Variants in ATAD5 observed in about 807,000 individuals in gnomAD.
The protein encoded by ATAD5 is ATPase family AAA domain-containing protein 5.
Under a neutral mutation model 176.9 loss-of-function variants are expected in ATAD5, and 58 were observed. The ratio of observed to expected loss-of-function variants is 0.33; its 90% CI spans 0.27 to 0.41. The LOEUF (loss-of-function observed/expected upper bound fraction) is 0.41, where lower values mean the gene tolerates loss of function less well. Among genes scored for constraint, ATAD5 ranks in the 10% least tolerant of loss-of-function variants. The pLI is 1.00. For missense variants in ATAD5, 1,789 were observed against 2,094.1 expected (o/e 0.85, Z 2.84); for synonymous variants, 640 against 712.6 (o/e 0.90, Z 1.62).
At chr17:30,837,346 C>T in intron 3 of ATAD5, 32 bp downstream of exon 3, 2 of 1,368,050 alleles carry the variant, frequency 1.5e-6, no homozygotes, top group Non-Finnish European at 2.0e-6. Flanking sequence ...CCTATAAGTG[C>T]CATTCTGTTT....
chr17:30,842,104 A>G (rs1906155860), intron 4 of ATAD5, among the ~76,000 whole-genome samples: 2 of 152,040 alleles, frequency 1.3e-5, no homozygotes, highest in African/African-American at 2.4e-5. Context: ...CCCCGTCTTT[A>G]CTAAAAATAC....
At chr17:30,872,067 C>T (rs1455418771) in intron 14 of ATAD5, among the ~76,000 whole-genome samples, 3 of 152,034 alleles carry the variant, frequency 2.0e-5, no homozygotes, top group African/African-American at 4.8e-5. Context: ...TACAGACCAC[C>T]GCACTCAGCT....
intron 15 of ATAD5, among the ~76,000 whole-genome samples, chr17:30,876,837 C>T (rs1298833260): frequency 1.3e-5 from 2 of 151,624 alleles, no homozygotes; most frequent in African/African-American, 4.8e-5. Flanking sequence ...CTGCCTCAGC[C>T]TCCCGAGTAG....
At chr17:30,894,452 T>C in intron 21 of ATAD5, 112 bp from the exon 22 acceptor site, 1 of 1,056,540 alleles carries the variant, frequency 9.5e-7, no homozygotes, top group Non-Finnish European at 1.3e-6. Context: ...GAAATTAATC[T>C]GGAAATGTCA....
chr17:30,862,364 A>G (rs1298380084), intron 10 of ATAD5, among the ~76,000 whole-genome samples: 1 of 152,118 alleles, frequency 6.6e-6, no homozygotes, highest in Non-Finnish European at 1.5e-5. Context: ...CAAAGTTGAA[A>G]AAAAAATATG....
In ATAD5 at chr17:30,844,058, A is replaced by T; in HGVS notation, c.2368+19A>T. 1.3e-6 allele frequency: 2 copies of T among 1,497,536 alleles called. No individual in the cohort carries two copies. Among genetic ancestry groups the T allele is most frequent in the Non-Finnish European group, 1.8e-6 (2 of 1,117,478 alleles). The allele number at this position is 1,497,536 out of a possible 1,614,324, so 92.8% of individuals were successfully genotyped here. On this transcript the variant is annotated intron_variant, in intron 5 of 22. Coordinates refer to ENST00000321990, the MANE Select transcript of ATAD5 (RefSeq NM_024857.5). ...GTACCTGGTAATCAGAGTTAATAAT[A>T]TTTATGATGTATATTAGAATGTTTT... is the stretch of plus-strand genomic sequence containing the variant.
Position 30,844,055 on chromosome 17 carries a change from A to G in ATAD5, c.2368+16A>G. ...AATGTACCTGGTAATCAGAGTTAAT[A>G]ATATTTATGATGTATATTAGAATGT... On this transcript the variant is annotated intron_variant, in intron 5 of 22. Coordinates refer to ENST00000321990, the MANE Select transcript of ATAD5 (RefSeq NM_024857.5). 1 of 1,504,736 alleles carries G rather than the reference A, an allele frequency of 6.6e-7. No homozygotes were observed. The highest frequency in any genetic ancestry group is 8.9e-7 in the Non-Finnish European group (1 of 1,122,436). The allele number at this position is 1,504,736 out of a possible 1,614,324, so 93.2% of individuals were successfully genotyped here.
intron 10 of ATAD5, among the ~76,000 whole-genome samples, chr17:30,862,373 T>A (rs531019961): frequency 1.3e-5 from 2 of 152,152 alleles, no homozygotes; most frequent in East Asian, 3.9e-4. Context: ...AAAAAAAATA[T>A]GGTCTTATCC....
Position 30,893,545 on chromosome 17 carries a change from G to C in ATAD5, c.4692G>C (p.Lys1564Asn). ...REQPLKKSQKKKQKKTLVILD... is the reference protein window; with the variant it reads ...REQPLKKSQKNKQKKTLVILD... The stretch of plus-strand genomic sequence containing the variant: ...AGCCATTGAAAAAGTCCCAGAAAAA[G>C]AAACAAAAGAAAACATTGGTAATAT... Residue 1564 changes from lysine to asparagine, a missense_variant, in exon 21 of 23, where the codon AAG (lysine) becomes AAC (asparagine). Lys to Asn is a moderately conservative substitution (Grantham distance 94). Coordinates refer to ENST00000321990, the MANE Select transcript of ATAD5 (RefSeq NM_024857.5). 1.2e-6 allele frequency: 2 copies of C among 1,611,244 alleles called. No homozygotes were observed. Among genetic ancestry groups the C allele is most frequent in the Non-Finnish European group, 1.7e-6 (2 of 1,179,284 alleles).
chr17:30,869,853 T>C (rs893201580), intron 14 of ATAD5: 6 of 547,132 alleles, frequency 1.1e-5, no homozygotes, highest in Non-Finnish European at 1.5e-5. Context: ...CTCTATCTGA[T>C]AAGGACTTTT....
intron 6 of ATAD5, among the ~76,000 whole-genome samples, chr17:30,850,652 G>A (rs1416287311): frequency 3.3e-5 from 5 of 150,784 alleles, no homozygotes; most frequent in South Asian, 2.1e-4. Flanking sequence ...TTCACTTAAC[G>A]TAATATCCTC....
In ATAD5 at chr17:30,894,997, G is replaced by A. The variant is rs1376538601; in HGVS notation, c.*84G>A. On this transcript the variant is annotated 3_prime_UTR_variant, in exon 23 of 23. Coordinates refer to ENST00000321990, the MANE Select transcript of ATAD5 (RefSeq NM_024857.5). ...ATATTATGTGGATCTTCATGGAAAA[G>A]TATATTTCTCGATGTACATTTTAAA... The A allele has an allele frequency of 3.4e-6, 3 of 869,870 alleles. No homozygotes were observed. Among genetic ancestry groups the A allele is most frequent in the Non-Finnish European group, 5.0e-6 (3 of 602,722 alleles). 53.9% of individuals were successfully genotyped at this position (869,870 alleles called of 1,614,324 possible). A position where few individuals can be genotyped will look rare whatever the true frequency, so the allele number is the denominator to read the frequency against.
chr17:30,871,579 AC>A (rs1908341731), intron 14 of ATAD5, among the ~76,000 whole-genome samples: 1 of 151,856 alleles, frequency 6.6e-6, no homozygotes, highest in Non-Finnish European at 1.5e-5. Flanking sequence ...CAAACTCCTG[AC>A]CTCAGGTGAT....
intron 5 of ATAD5, 132 bp downstream of exon 5, chr17:30,844,171 C>A: frequency 1.2e-6 from 1 of 850,510 alleles, no homozygotes; most frequent in Non-Finnish European, 1.6e-6. Flanking sequence ...CTTTGTCACT[C>A]AGGCTGGAGT....
At chr17:30,881,788 C>T (rs1359801759) in intron 18 of ATAD5, among the ~76,000 whole-genome samples, 1 of 151,926 alleles carries the variant, frequency 6.6e-6, no homozygotes, top group African/African-American at 2.4e-5. Context: ...GTAGCGCACA[C>T]CTGTAGTCCC....
intron 7 of ATAD5, 106 bp from the exon 8 acceptor site, chr17:30,856,849 G>T (rs907684605): frequency 1.9e-6 from 2 of 1,060,058 alleles, no homozygotes; most frequent in Non-Finnish European, 2.6e-6. Flanking sequence ...TGGTATGTTT[G>T]TGTTAATTAT....
chr17:30,847,012 C>T (rs768534068), intron 6 of ATAD5, among the ~76,000 whole-genome samples: 1 of 152,092 alleles, frequency 6.6e-6, no homozygotes, highest in Non-Finnish European at 1.5e-5. Flanking sequence ...AGCCACCGTG[C>T]CTGGCCCACA....
At chr17:30,844,137 A>G in intron 5 of ATAD5, 98 bp downstream of exon 5, 1 of 1,101,176 alleles carries the variant, frequency 9.1e-7, no homozygotes, top group Non-Finnish European at 1.2e-6. Context: ...TTATTTATTT[A>G]TTTATTTTTG....
chr17:30,890,349 A>G (rs1392505425), intron 19 of ATAD5, among the ~76,000 whole-genome samples: 2 of 151,976 alleles, frequency 1.3e-5, no homozygotes, highest in Non-Finnish European at 2.9e-5. Context: ...CTAGATATAA[A>G]TTGTTACAGC....
Sources: allele counts gnomAD v4.1 joint callset (sites outside exome capture counted in the v4.1 genomes callset), GRCh38; gene constraint gnomAD v4.1.1; transcripts MANE v1.5; gene names NCBI Gene and HGNC (gene_info 2026-07-23, HGNC 2026-07-21).